The following FAM135B variants were observed in gnomAD, a reference collection of about 807,000 sequenced individuals.
FAM135B encodes family with sequence similarity 135 member B, also known as protein FAM135B.
A neutral mutation model predicts 127.7 loss-of-function variants in FAM135B; 43 were observed. That is an observed-to-expected ratio of 0.34 (90% CI 0.26 to 0.43). The LOEUF is 0.43. FAM135B is among the 20% of genes least tolerant of loss of function. FAM135B has a pLI of 1.00. For synonymous variants in FAM135B, 670 were observed against 665.1 expected, an observed-to-expected ratio of 1.01 and a Z score of -0.11; for missense variants, 1,558 against 1,725.6, an observed-to-expected ratio of 0.90 and a Z score of 1.72.
rs568846001 is a variant in FAM135B at position 138,494,526 on chromosome 8, T to A, written c.-20+2145A>T. 5.3e-5 allele frequency among the ~76,000 whole-genome samples: 8 copies of A among 152,044 alleles called. No homozygotes were observed. The East Asian group carries it at 1.2e-3, about 22-fold the overall frequency. ...TATAGGAAGGGGCATTTGAGTTGGGTTGTTAAAGGAAGAAAGAAGTGAGAA... is the reference window on the plus strand; with the variant it reads ...TATAGGAAGGGGCATTTGAGTTGGGATGTTAAAGGAAGAAAGAAGTGAGAA... On this transcript the variant is annotated intron_variant, in intron 1 of 19. Transcript: ENST00000395297.
intron 2 of FAM135B, among the ~76,000 whole-genome samples, chr8:138,336,135 A>C (rs1040686870): frequency 6.6e-6 from 1 of 152,146 alleles, no homozygotes; most frequent in Admixed American, 6.5e-5. Context: ...ATAGCACTAA[A>C]TGCCCACAAG....
chr8:138,448,792 G>C (rs1450910939), intron 1 of FAM135B, among the ~76,000 whole-genome samples: 2 of 136,648 alleles, frequency 1.5e-5, no homozygotes, highest in South Asian at 4.7e-4. Context: ...AACACAGGGG[G>C]AAAAAAAAAA....
chr8:138,316,707 G>A (rs1315023467), intron 2 of FAM135B, among the ~76,000 whole-genome samples: 3 of 152,056 alleles, frequency 2.0e-5, no homozygotes, highest in Non-Finnish European at 4.4e-5. Context: ...ACGGCCGGGC[G>A]TGGTGGCTCA....
At chr8:138,487,946 G>A (rs1452301338) in intron 1 of FAM135B, among the ~76,000 whole-genome samples, 1 of 152,114 alleles carries the variant, frequency 6.6e-6, no homozygotes, top group African/African-American at 2.4e-5. Context: ...AGAGGTTGCA[G>A]TGAGCTGAGA....
chr8:138,453,411 A>G (rs1414654465), intron 1 of FAM135B, among the ~76,000 whole-genome samples: 1 of 151,002 alleles, frequency 6.6e-6, no homozygotes, highest in African/African-American at 2.5e-5. Context: ...CTTCTCTCAC[A>G]TAGGTCCAAG....
At chr8:138,410,999 C>G (rs1587384204) in intron 1 of FAM135B, among the ~76,000 whole-genome samples, 1 of 137,730 alleles carries the variant, frequency 7.3e-6, no homozygotes, top group East Asian at 2.0e-4. Context: ...AGGATACAAA[C>G]AAATGGAAGA....
At chr8:138,195,339 T>C in intron 8 of FAM135B, 32 bp from the exon 9 acceptor site, 1 of 1,604,254 alleles carries the variant, frequency 6.2e-7, no homozygotes, top group Non-Finnish European at 8.5e-7. Context: ...TGTGATTAAA[T>C]GAACCCACAC....
intron 7 of FAM135B, among the ~76,000 whole-genome samples, chr8:138,203,935 A>G (rs1817358293): frequency 6.6e-6 from 1 of 152,152 alleles, no homozygotes; most frequent in Non-Finnish European, 1.5e-5. Flanking sequence ...GATCCCTCCC[A>G]TGTACAGTTC....
At chr8:138,390,295 G>T (rs1427751421) in intron 1 of FAM135B, among the ~76,000 whole-genome samples, 1 of 152,092 alleles carries the variant, frequency 6.6e-6, no homozygotes, top group East Asian at 1.9e-4. Context: ...TCATAGGGGC[G>T]GTTTCCCCCA....
intron 14 of FAM135B, 121 bp from the exon 15 acceptor site, chr8:138,146,171 T>G (rs1182998540): frequency 1.6e-6 from 1 of 611,060 alleles, no homozygotes; most frequent in African/African-American, 1.8e-5. Context: ...TCACTTTTGG[T>G]TAAGTAGATA....
At chr8:138,327,998 AT>A (rs1827925384) in intron 2 of FAM135B, among the ~76,000 whole-genome samples, 1 of 152,190 alleles carries the variant, frequency 6.6e-6, no homozygotes, top group Non-Finnish European at 1.5e-5. Flanking sequence ...AAAAATTGCT[AT>A]CTTTGATGTC....
At chr8:138,390,859 T>C (rs568467788) in intron 1 of FAM135B, among the ~76,000 whole-genome samples, 1 of 152,240 alleles carries the variant, frequency 6.6e-6, no homozygotes, top group East Asian at 1.9e-4. Context: ...GCTCTGGGGA[T>C]AGCAAATTTG....
intron 2 of FAM135B, among the ~76,000 whole-genome samples, chr8:138,349,218 C>T (rs905234526): frequency 6.6e-6 from 1 of 152,306 alleles, no homozygotes; most frequent in Non-Finnish European, 1.5e-5. Context: ...CTCACTTCTT[C>T]ACTGTTCAAT....
chr8:138,189,733 C>T (rs1199020492), intron 9 of FAM135B, among the ~76,000 whole-genome samples: 1 of 152,184 alleles, frequency 6.6e-6, no homozygotes, highest in African/African-American at 2.4e-5. Flanking sequence ...CCTGCTGGTG[C>T]AGAAGCAGCC....
intron 7 of FAM135B, among the ~76,000 whole-genome samples, chr8:138,228,622 C>A (rs1246286561): frequency 6.6e-6 from 1 of 152,082 alleles, no homozygotes; most frequent in Non-Finnish European, 1.5e-5. Context: ...ACGACAGATT[C>A]CCCTGAGCCG....
intron 6 of FAM135B, among the ~76,000 whole-genome samples, chr8:138,244,269 T>C (rs868101506): frequency 6.8e-6 from 1 of 146,366 alleles, no homozygotes; most frequent in Non-Finnish European, 1.5e-5. Context: ...CAGGCCAGTG[T>C]GTGCAGGAGA....
chr8:138,256,975 A>C (rs372195348), intron 4 of FAM135B, among the ~76,000 whole-genome samples: 2 of 152,248 alleles, frequency 1.3e-5, no homozygotes, highest in East Asian at 1.9e-4. Context: ...AGGGATATAC[A>C]TACCCAGTTT....
At chr8:138,329,347 A>G (rs903309103) in intron 2 of FAM135B, among the ~76,000 whole-genome samples, 1 of 152,170 alleles carries the variant, frequency 6.6e-6, no homozygotes, top group African/African-American at 2.4e-5. Flanking sequence ...CTGAATCATG[A>G]TTCCCTCTCT....
At chr8:138,266,933 C>G (rs995222452) in intron 3 of FAM135B, among the ~76,000 whole-genome samples, 4 of 152,116 alleles carry the variant, frequency 2.6e-5, no homozygotes, top group Admixed American at 2.6e-4. Flanking sequence ...TTTACAAGTT[C>G]TAAAGTGCTT....
Sources: gnomAD v4.1 joint callset for allele counts (sites outside exome capture counted in the v4.1 genomes callset) on GRCh38, gnomAD v4.1.1 for gene constraint, MANE v1.5 for transcripts, NCBI Gene and HGNC (gene_info 2026-07-23, HGNC 2026-07-21) for gene names.